CACNB4: variants seen among roughly 807,000 people sequenced by gnomAD.
CACNB4 encodes the protein calcium voltage-gated channel auxiliary subunit beta 4, also known as voltage-dependent L-type calcium channel subunit beta-4.
In CACNB4, 32 loss-of-function variants were observed where a neutral mutation model predicts 71.2. The ratio of observed to expected loss-of-function variants is 0.45; its 90% confidence interval spans 0.34 to 0.60. The LOEUF is 0.60. Ranked by LOEUF, CACNB4 falls within the 20% of genes least tolerant of loss-of-function variation. The pLI, the probability that CACNB4 is intolerant of heterozygous loss-of-function variation, is 0.01. For missense variants in CACNB4, 464 were observed against 647.9 expected, an observed-to-expected ratio of 0.72 and a Z score of 3.08; for synonymous variants, 231 against 236.9, an observed-to-expected ratio of 0.97 and a Z score of 0.23.
intron 2 of CACNB4, among the ~76,000 whole-genome samples, chr2:151,914,504 T>A (rs1177256980): frequency 6.6e-6 from 1 of 152,216 alleles, no homozygotes; most frequent in East Asian, 1.9e-4. Flanking sequence ...TCCAGTTCTG[T>A]GCCCTTGACA....
chr2:152,082,781 A>G (rs557849408), intron 2 of CACNB4, among the ~76,000 whole-genome samples: 1 of 152,362 alleles, frequency 6.6e-6, no homozygotes, highest in South Asian at 2.1e-4. Flanking sequence ...TCCCATTAAA[A>G]TAAATTGTTA....
At position 151,984,779 on chromosome 2, in the gene CACNB4, T is replaced by A. The variant is rs564239383; in HGVS notation, c.148-101409A>T. 3.9e-5 allele frequency among the ~76,000 whole-genome samples: 6 copies of A among 152,306 alleles called. No individual in the cohort carries two copies. The South Asian group carries it at 1.2e-3, about 32-fold the overall frequency. On this transcript the variant is annotated intron_variant, in intron 2 of 13. Coordinates refer to ENST00000539935, the MANE Select transcript of CACNB4 (RefSeq NM_000726.5). ...CATAAAAGAAGAGAATGAAATATAT[T>A]TTTCATTATATCCATCCAGCATCAA...
At chr2:152,069,409 C>A (rs1313111292) in intron 2 of CACNB4, among the ~76,000 whole-genome samples, 1 of 151,952 alleles carries the variant, frequency 6.6e-6, no homozygotes, top group Non-Finnish European at 1.5e-5. Flanking sequence ...ATTGATCTTG[C>A]AGCAGAAGTG....
intron 10 of CACNB4, 81 bp from the exon 11 acceptor site, chr2:151,855,456 A>T: frequency 9.4e-7 from 1 of 1,066,572 alleles, no homozygotes. Flanking sequence ...ATATTTTCAG[A>T]TATGTTGGTC....
At chr2:152,020,023 C>G (rs1478749380) in intron 2 of CACNB4, among the ~76,000 whole-genome samples, 1 of 152,178 alleles carries the variant, frequency 6.6e-6, no homozygotes, top group Non-Finnish European at 1.5e-5. Context: ...CAAGGAAAAA[C>G]CACTGTGTTT....
At chr2:152,002,454 G>A (rs370043386) in intron 2 of CACNB4, among the ~76,000 whole-genome samples, 6 of 152,150 alleles carry the variant, frequency 3.9e-5, no homozygotes, top group Non-Finnish European at 4.4e-5. Context: ...GTTATACAGC[G>A]ACCATGGCCT....
chr2:151,973,624 G>A, intron 2 of CACNB4: 4 of 1,564,002 alleles, frequency 2.6e-6, no homozygotes, highest in Non-Finnish European at 3.5e-6. Context: ...AGTGGGAGGA[G>A]GAAGAGGAGG....
At chr2:152,059,789 G>C (rs1685913266) in intron 2 of CACNB4, among the ~76,000 whole-genome samples, 2 of 152,334 alleles carry the variant, frequency 1.3e-5, no homozygotes, top group South Asian at 4.1e-4. Context: ...GAATGATATG[G>C]TTTGGCTCTG....
rs1383660550 is a variant in CACNB4 at position 151,834,141 on chromosome 2, C to G, written c.*4978G>C. Reference sequence around the variant, plus strand: ...AGAAATTTAAGTGTTCAAAACATAACCAAGAACACTTATCAGGTATTGAAA... The same window carrying G: ...AGAAATTTAAGTGTTCAAAACATAAGCAAGAACACTTATCAGGTATTGAAA... On this transcript the variant is annotated 3_prime_UTR_variant, in exon 14 of 14. Coordinates refer to ENST00000539935, the MANE Select transcript of CACNB4 (RefSeq NM_000726.5). 6.6e-6 allele frequency: 1 copy of G among 152,016 alleles called. No homozygotes were observed. Among genetic ancestry groups the G allele is most frequent in the East Asian group, 1.9e-4 (1 of 5,194 alleles). The allele number at this position is 152,016 out of a possible 1,614,324, so 9.4% of individuals were successfully genotyped here.
chr2:151,846,543 TTTTTGTTTTG>T (rs907196433), intron 12 of CACNB4, among the ~76,000 whole-genome samples: 2 of 152,166 alleles, frequency 1.3e-5, no homozygotes, highest in South Asian at 4.1e-4. Context: ...GTTTGTTTGT[TTTTTGTTTTG>T]TTTTGTTTTG....
At chr2:152,044,754 C>T (rs1685063603) in intron 2 of CACNB4, among the ~76,000 whole-genome samples, 1 of 152,232 alleles carries the variant, frequency 6.6e-6, no homozygotes, top group Non-Finnish European at 1.5e-5. Flanking sequence ...TCTTTGCCAT[C>T]CTTTCATGAG....
chr2:152,008,191 T>C (rs1398692813), intron 2 of CACNB4, among the ~76,000 whole-genome samples: 5 of 148,024 alleles, frequency 3.4e-5, no homozygotes, highest in Non-Finnish European at 7.5e-5. Context: ...ACACTTGTTC[T>C]TTTTTTTTTT....
chr2:151,920,315 C>CT (rs1559996320), intron 2 of CACNB4, among the ~76,000 whole-genome samples: 1 of 81,052 alleles, frequency 1.2e-5, no homozygotes, highest in Admixed American at 1.7e-4. Context: ...TCTTCTTCTT[C>CT]TTCTTTTTTT....
intron 2 of CACNB4, among the ~76,000 whole-genome samples, chr2:152,005,967 C>T (rs180729108): frequency 2.1e-4 from 32 of 152,316 alleles, no homozygotes; most frequent in African/African-American, 7.5e-4. Flanking sequence ...ACAATGTTCG[C>T]TATCATTAGT....
chr2:151,990,116 T>C (rs1485324027), intron 2 of CACNB4, among the ~76,000 whole-genome samples: 1 of 152,220 alleles, frequency 6.6e-6, no homozygotes. Context: ...GATGACTCTG[T>C]TGACACAACA....
intron 2 of CACNB4, among the ~76,000 whole-genome samples, chr2:151,921,736 T>C (rs571245705): frequency 6.6e-6 from 1 of 152,284 alleles, no homozygotes; most frequent in South Asian, 2.1e-4. Context: ...GGAGGGCGAT[T>C]GGATTATGGG....
intron 2 of CACNB4, among the ~76,000 whole-genome samples, chr2:152,054,735 T>C (rs994827674): frequency 4.6e-5 from 7 of 152,160 alleles, no homozygotes; most frequent in Admixed American, 2.6e-4. Flanking sequence ...TTGCCAAAAA[T>C]TATCTGTCTT....
At chr2:151,891,432 G>A (rs992617565) in intron 2 of CACNB4, among the ~76,000 whole-genome samples, 1 of 152,166 alleles carries the variant, frequency 6.6e-6, no homozygotes, top group African/African-American at 2.4e-5. Flanking sequence ...GGTAATGATG[G>A]TAGCAAGAGG....
intron 6 of CACNB4, 21 bp from the exon 7 acceptor site, chr2:151,870,882 C>A (rs978020543): frequency 6.3e-7 from 1 of 1,581,836 alleles, no homozygotes. Context: ...ATAACGAGAG[C>A]CATATCAAAA....
Sources: gnomAD v4.1 joint callset for allele counts (sites outside exome capture counted in the v4.1 genomes callset) on GRCh38, gnomAD v4.1.1 for gene constraint, MANE v1.5 for transcripts, NCBI Gene and HGNC (gene_info 2026-07-23, HGNC 2026-07-21) for gene names.